The following BBX variants were observed in gnomAD, a reference collection of about 807,000 sequenced individuals.
BBX encodes HMG box transcription factor BBX.
In BBX, 30 loss-of-function variants were observed where a neutral mutation model predicts 100.2. The ratio of observed to expected loss-of-function variants is 0.30; its 90% CI spans 0.22 to 0.41. The LOEUF is 0.41. Among genes scored for constraint, BBX ranks in the 10% least tolerant of loss-of-function variants. BBX has a pLI of 1.00. For missense variants in BBX, 1,023 were observed against 1,129.8 expected, an observed-to-expected ratio of 0.91 and a Z score of 1.35; for synonymous variants, 376 against 388.1, an observed-to-expected ratio of 0.97 and a Z score of 0.37.
At chr3:107,665,866 C>T (rs777422856) in intron 3 of BBX, among the ~76,000 whole-genome samples, 3 of 152,162 alleles carry the variant, frequency 2.0e-5, no homozygotes, top group African/African-American at 4.8e-5. Flanking sequence ...TCCTTGAAGT[C>T]GTTGAGTCTG....
rs988226742 is a variant in BBX, at chr3:107,808,869, C to G, written c.*3412C>G. ...TAATTCTGTCAGATGAGCTTTCTAC[C>G]GATGCCATGTCCCAAAGCCATGTTA... On this transcript the variant is annotated 3_prime_UTR_variant, in exon 18 of 18. Transcript: ENST00000325805. 6.6e-6 allele frequency: 1 copy of G among 152,120 alleles called. No individual in the cohort carries two copies. The highest frequency in any genetic ancestry group is 6.5e-5 in the Admixed American group (1 of 15,272). The allele number at this position is 152,120 out of a possible 1,614,324, so 9.4% of individuals were successfully genotyped here. A position where few individuals can be genotyped will look rare whatever the true frequency, so the allele number is the denominator to read the frequency against.
chr3:107,700,411 CATCATTATT>C (rs1253157168), intron 3 of BBX, among the ~76,000 whole-genome samples: 12,773 of 133,764 alleles, frequency 0.095, 873 homozygotes, highest in Non-Finnish European at 0.13. Context: ...TTTCTTTCAT[CATCATTATT>C]ATTATTATTA....
intron 10 of BBX, among the ~76,000 whole-genome samples, chr3:107,762,962 C>T (rs764115429): frequency 1.4e-4 from 22 of 152,256 alleles, no homozygotes; most frequent in Non-Finnish European, 2.5e-4. Flanking sequence ...TCAGTGTACA[C>T]AAACTTTGTT....
chr3:107,532,205 CAAAACA>C (rs902179125), intron 2 of BBX, among the ~76,000 whole-genome samples: 8 of 151,538 alleles, frequency 5.3e-5, no homozygotes, highest in Admixed American at 5.3e-4. Context: ...AAAAAAAAAC[CAAAACA>C]AAAACATGTG....
intron 10 of BBX, among the ~76,000 whole-genome samples, chr3:107,766,652 T>C (rs1424172689): frequency 2.6e-5 from 4 of 152,152 alleles, no homozygotes; most frequent in African/African-American, 9.7e-5. Context: ...AAAATATGAT[T>C]CCTCAAGGAT....
chr3:107,601,652 T>C (rs1174399952), intron 2 of BBX, among the ~76,000 whole-genome samples: 1 of 152,226 alleles, frequency 6.6e-6, no homozygotes, highest in Admixed American at 6.5e-5. Flanking sequence ...AGTTTGAAGC[T>C]AACAGAGGTT....
At chr3:107,726,955 C>A (rs2062990404) in intron 5 of BBX, among the ~76,000 whole-genome samples, 1 of 151,962 alleles carries the variant, frequency 6.6e-6, no homozygotes, top group South Asian at 2.1e-4. Context: ...AGCACCAGCT[C>A]CCCATTGTAA....
chr3:107,732,524 A>G (rs546189312), intron 6 of BBX, among the ~76,000 whole-genome samples: 1 of 152,342 alleles, frequency 6.6e-6, no homozygotes, highest in Non-Finnish European at 1.5e-5. Context: ...GTTCTCTGAT[A>G]GCCTATTATT....
chr3:107,545,475 GGA>G (rs777456943), intron 2 of BBX, among the ~76,000 whole-genome samples: 52 of 152,132 alleles, frequency 3.4e-4, no homozygotes, highest in Non-Finnish European at 5.6e-4. Context: ...AATTTTTGTA[GGA>G]GAGTAGTGAT....
intron 2 of BBX, among the ~76,000 whole-genome samples, chr3:107,607,337 T>A (rs1370059617): frequency 6.6e-6 from 1 of 152,200 alleles, no homozygotes; most frequent in East Asian, 1.9e-4. Flanking sequence ...CGCCTCGGCC[T>A]CCCAAAGTGC....
At chr3:107,657,843 T>C (rs747943910) in intron 3 of BBX, among the ~76,000 whole-genome samples, 2 of 152,008 alleles carry the variant, frequency 1.3e-5, no homozygotes, top group Non-Finnish European at 2.9e-5. Flanking sequence ...ACTTTGAAAA[T>C]TGGTGAAAGA....
At position 107,757,112 on chromosome 3, in the gene BBX, T is replaced by C. The variant is rs370028090; in HGVS notation, c.906+1434T>C. The stretch of plus-strand genomic sequence containing the variant: ...GTGTATGTATGTGGGCACACATATA[T>C]AGGAAAATACATATGATTTCTTAAA... On this transcript the variant is annotated intron_variant, in intron 10 of 17. Transcript: ENST00000325805. Among the ~76,000 whole-genome samples, 17 of 152,268 alleles carry C rather than the reference T, an allele frequency of 1.1e-4. No individual in the cohort carries two copies. In the East Asian group the frequency reaches 3.3e-3, roughly 29 times the overall value.
intron 2 of BBX, among the ~76,000 whole-genome samples, chr3:107,528,391 T>C (rs2047925018): frequency 6.6e-6 from 1 of 152,216 alleles, no homozygotes; most frequent in African/African-American, 2.4e-5. Flanking sequence ...TGTTTCCTAG[T>C]GTTACCTCTT....
At chr3:107,782,964 T>A (rs2068055442) in intron 13 of BBX, among the ~76,000 whole-genome samples, 1 of 152,144 alleles carries the variant, frequency 6.6e-6, no homozygotes, top group African/African-American at 2.4e-5. Flanking sequence ...TTCTGAATGA[T>A]TCCTTCTAAA....
intron 2 of BBX, among the ~76,000 whole-genome samples, chr3:107,633,744 C>T (rs1445351847): frequency 6.6e-6 from 1 of 152,228 alleles, no homozygotes; most frequent in African/African-American, 2.4e-5. Flanking sequence ...TTAGAAACAT[C>T]TGCTTATTGA....
intron 2 of BBX, among the ~76,000 whole-genome samples, chr3:107,577,254 G>T (rs2107536148): frequency 6.6e-6 from 1 of 152,294 alleles, no homozygotes; most frequent in South Asian, 2.1e-4. Context: ...TCGCTGATAT[G>T]CCTGCTCTTC....
At chr3:107,650,169 G>T (rs755202128) in intron 3 of BBX, among the ~76,000 whole-genome samples, 2 of 152,118 alleles carry the variant, frequency 1.3e-5, no homozygotes, top group African/African-American at 4.8e-5. Flanking sequence ...CTGGGCCTCG[G>T]ACTGGTACTG....
At chr3:107,549,294 A>C (rs2049479821) in intron 2 of BBX, among the ~76,000 whole-genome samples, 2 of 152,344 alleles carry the variant, frequency 1.3e-5, no homozygotes, top group East Asian at 3.9e-4. Flanking sequence ...TTTATGAAGT[A>C]TACTTTCTAG....
chr3:107,583,189 C>A (rs1029894547), intron 2 of BBX, among the ~76,000 whole-genome samples: 4 of 151,584 alleles, frequency 2.6e-5, no homozygotes, highest in African/African-American at 9.7e-5. Flanking sequence ...ATACAGAGGA[C>A]CTTCAGTGTT....
Sources: gnomAD v4.1 joint callset for allele counts (sites outside exome capture counted in the v4.1 genomes callset) on GRCh38, gnomAD v4.1.1 for gene constraint, MANE v1.5 for transcripts, NCBI Gene and HGNC (gene_info 2026-07-23, HGNC 2026-07-21) for gene names.